The following ZFHX3 variants were observed in gnomAD, a reference collection of about 807,000 sequenced individuals.
The protein encoded by ZFHX3 is zinc finger homeobox 3.
Under a neutral mutation model 279.1 loss-of-function variants are expected in ZFHX3, and 42 were observed. The ratio of observed to expected loss-of-function variants is 0.15; its 90% CI spans 0.12 to 0.19. The LOEUF (loss-of-function observed/expected upper bound fraction) is 0.19, where lower values mean the gene tolerates loss of function less well. Among genes scored for constraint, ZFHX3 ranks in the 10% least tolerant of loss-of-function variants. The pLI is 1.00. For synonymous variants in ZFHX3, 2,293 were observed against 1,957.8 expected (o/e 1.17, Z -4.52); for missense variants, 4,981 against 4,754.0 (o/e 1.05, Z -1.40).
exon 8 of ZFHX3, chr16:73,093,296 G>A (rs969969773): frequency 3.5e-5 from 16 of 450,764 alleles, no homozygotes; most frequent in African/African-American, 3.0e-4. Context: ...TCGTGTTTGG[G>A]TTGCAAAGGG....
chr16:72,912,754 C>A (rs1177466618), intron 3 of ZFHX3, among the ~76,000 whole-genome samples: 1 of 151,916 alleles, frequency 6.6e-6, no homozygotes, highest in Admixed American at 6.6e-5. Context: ...TAGACAGAGT[C>A]TCCCTCTGTC....
intron 4 of ZFHX3, among the ~76,000 whole-genome samples, chr16:73,308,109 A>G (rs952982104): frequency 2.0e-5 from 3 of 151,814 alleles, no homozygotes; most frequent in Admixed American, 6.6e-5. Flanking sequence ...TGATTTCTGT[A>G]GAAAATACTT....
chr16:73,513,720 A>C (rs1449415441), intron 2 of ZFHX3, among the ~76,000 whole-genome samples: 1 of 152,154 alleles, frequency 6.6e-6, no homozygotes, highest in African/African-American at 2.4e-5. Flanking sequence ...GGAGCCTGGA[A>C]GGAGGAAGAT....
chr16:73,569,034 C>A (rs779511598), intron 2 of ZFHX3, among the ~76,000 whole-genome samples: 1 of 152,098 alleles, frequency 6.6e-6, no homozygotes, highest in African/African-American at 2.4e-5. Flanking sequence ...TCAATTAATG[C>A]CTCTCTAATG....
intron 4 of ZFHX3, among the ~76,000 whole-genome samples, chr16:72,856,572 G>T (rs1392370031): frequency 6.6e-6 from 1 of 152,216 alleles, no homozygotes; most frequent in Non-Finnish European, 1.5e-5. Flanking sequence ...ACCACCTGGA[G>T]ACAGCTGCCC....
chr16:73,018,355 C>T (rs912177100), intron 1 of ZFHX3, among the ~76,000 whole-genome samples: 1 of 152,026 alleles, frequency 6.6e-6, no homozygotes, highest in African/African-American at 2.4e-5. Context: ...CGCCTGTCAT[C>T]CCAACACTTT....
At chr16:73,723,405 TAA>T (rs1343277059) in intron 1 of ZFHX3, among the ~76,000 whole-genome samples, 3 of 152,216 alleles carry the variant, frequency 2.0e-5, no homozygotes, top group African/African-American at 7.2e-5. Context: ...ACATAAACAT[TAA>T]GTTATGCCAT....
At chr16:73,330,152 G>C (rs2015772476) in intron 3 of ZFHX3, among the ~76,000 whole-genome samples, 1 of 152,160 alleles carries the variant, frequency 6.6e-6, no homozygotes, top group Admixed American at 6.5e-5. Context: ...CTCACACTTA[G>C]AGCAGGATGG....
chr16:73,462,457 G>T (rs1429360888), intron 2 of ZFHX3, among the ~76,000 whole-genome samples: 1 of 152,140 alleles, frequency 6.6e-6, no homozygotes, highest in Non-Finnish European at 1.5e-5. Flanking sequence ...TATTTGGAAT[G>T]AGAGTGTTAA....
chr16:73,204,351 G>A (rs1018696314), intron 5 of ZFHX3, among the ~76,000 whole-genome samples: 1 of 151,854 alleles, frequency 6.6e-6, no homozygotes, highest in African/African-American at 2.4e-5. Flanking sequence ...TAGGTTCAAT[G>A]GGAGCTCTGA....
intron 5 of ZFHX3, among the ~76,000 whole-genome samples, chr16:73,180,875 C>T (rs2144878149): frequency 6.6e-6 from 1 of 152,202 alleles, no homozygotes; most frequent in Non-Finnish European, 1.5e-5. Flanking sequence ...TTTGGTCAGG[C>T]TGGTCTCAAA....
chr16:73,156,964 G>A (rs1222617364), intron 5 of ZFHX3, among the ~76,000 whole-genome samples: 1 of 152,032 alleles, frequency 6.6e-6, no homozygotes, highest in African/African-American at 2.4e-5. Flanking sequence ...TGCCCACCTC[G>A]GCCTCCCAAA....
At chr16:73,377,113 A>T (rs919691398) in intron 3 of ZFHX3, among the ~76,000 whole-genome samples, 1 of 151,912 alleles carries the variant, frequency 6.6e-6, no homozygotes, top group Non-Finnish European at 1.5e-5. Context: ...CTGGGATTAT[A>T]GGCACGTGCC....
At chr16:73,818,751 C>T (rs576344622) in intron 1 of ZFHX3, among the ~76,000 whole-genome samples, 1 of 152,320 alleles carries the variant, frequency 6.6e-6, no homozygotes, top group African/African-American at 2.4e-5. Context: ...TCTCAAACTG[C>T]ACTTTGGATG....
chr16:73,005,984 C>T (rs1039254131), intron 1 of ZFHX3: 1 of 152,162 alleles, frequency 6.6e-6, no homozygotes, highest in Non-Finnish European at 1.5e-5. Flanking sequence ...AGCTAATTAT[C>T]TTTTAAAATG....
intron 2 of ZFHX3, among the ~76,000 whole-genome samples, chr16:73,678,335 C>T (rs8059199): frequency 7.2e-5 from 11 of 151,968 alleles, no homozygotes; most frequent in African/African-American, 1.2e-4. Flanking sequence ...AGAAGTGCAT[C>T]GGATAATTTT....
chr16:73,710,793 C>T (rs961734191), intron 1 of ZFHX3, among the ~76,000 whole-genome samples: 11 of 152,198 alleles, frequency 7.2e-5, no homozygotes, highest in African/African-American at 2.7e-4. Context: ...CTTCTCGGAG[C>T]AGCAGTTTCC....
intron 1 of ZFHX3, among the ~76,000 whole-genome samples, chr16:73,684,695 CTTTTTTTT>C (rs201167110): frequency 7.3e-6 from 1 of 137,534 alleles, no homozygotes; most frequent in African/African-American, 2.9e-5. Flanking sequence ...CACAAGGGTC[CTTTTTTTT>C]TTTTTTTTTT....
At chr16:73,043,434 A>C (rs147109431) in intron 1 of ZFHX3, among the ~76,000 whole-genome samples, 5 of 152,140 alleles carry the variant, frequency 3.3e-5, no homozygotes, top group Admixed American at 3.3e-4. Flanking sequence ...CAAACTTTCT[A>C]TGTCTCCCTC....
Sources: gnomAD v4.1 joint callset for allele counts (sites outside exome capture counted in the v4.1 genomes callset) on GRCh38, gnomAD v4.1.1 for gene constraint, MANE v1.5 for transcripts, NCBI Gene and HGNC (gene_info 2026-07-23, HGNC 2026-07-21) for gene names.